Variants in DDHD1 observed in about 807,000 individuals in gnomAD.
DDHD1 encodes the protein DDHD domain containing 1.
In DDHD1, 49 loss-of-function variants were observed where a neutral mutation model predicts 96.4. That is an observed-to-expected ratio of 0.51 (90% CI 0.40 to 0.64). The LOEUF is 0.64. Ranked by LOEUF, DDHD1 falls within the 30% of genes least tolerant of loss-of-function variation. The pLI is 0.00. For synonymous variants in DDHD1, 442 were observed against 446.5 expected, an observed-to-expected ratio of 0.99 and a Z score of 0.13; for missense variants, 1,106 against 1,161.2, an observed-to-expected ratio of 0.95 and a Z score of 0.69.
At position 53,081,509 on chromosome 14, in the gene DDHD1, G is replaced by A. The variant is rs559432082; in HGVS notation, c.1290-7662C>T. On this transcript the variant is annotated intron_variant, in intron 4 of 12. Coordinates refer to ENST00000673822, the MANE Select transcript of DDHD1 (RefSeq NM_001160148.2). ...ACCATAGACAATTTTGTACTTCGAG[G>A]GACACTTGGCAATGTTTGGAGATAT... Among the ~76,000 whole-genome samples the A allele has an allele frequency of 7.2e-5, 11 of 152,206 alleles. 1 individual carries two copies. The South Asian group carries it at 2.3e-3, about 32-fold the overall frequency.
intron 1 of DDHD1, among the ~76,000 whole-genome samples, chr14:53,142,650 G>C (rs1213617920): frequency 6.6e-6 from 1 of 152,214 alleles, no homozygotes; most frequent in Non-Finnish European, 1.5e-5. Context: ...AACAAAAGCA[G>C]ATGCTCAAGA....
At chr14:53,108,625 T>C (rs1049402793) in intron 1 of DDHD1, among the ~76,000 whole-genome samples, 5 of 152,244 alleles carry the variant, frequency 3.3e-5, no homozygotes, top group African/African-American at 4.8e-5. Flanking sequence ...TTAATATTTT[T>C]GGACTCTAGT....
In DDHD1 at chr14:53,039,457, T is replaced by C. The variant is rs1881490569; in HGVS notation, c.*7311A>G. 6.6e-6 allele frequency: 1 copy of C among 152,238 alleles called. No individual in the cohort carries two copies. The highest frequency in any genetic ancestry group is 2.1e-4 in the South Asian group (1 of 4,826). The allele number at this position is 152,238 out of a possible 1,614,324, so 9.4% of individuals were successfully genotyped here. On this transcript the variant is annotated 3_prime_UTR_variant, in exon 13 of 13. Transcript: ENST00000673822. Reference sequence around the variant, plus strand: ...CTGACCTGAGTCATGTACTCATCTCTTGACCATGGTACAGACAGTGCTGAT... The same window carrying C: ...CTGACCTGAGTCATGTACTCATCTCCTGACCATGGTACAGACAGTGCTGAT...
In DDHD1 at chr14:53,043,239, T is replaced by C. The variant is rs189097166; in HGVS notation, c.*3529A>G. 3 of 152,330 alleles carry C rather than the reference T, an allele frequency of 2.0e-5. No individual in the cohort carries two copies. The East Asian group carries it at 5.8e-4, about 29-fold the overall frequency. The allele number at this position is 152,330 out of a possible 1,614,324, so 9.4% of individuals were successfully genotyped here. ...AAAAAAGAGACTAAGGATGAATGTT[T>C]ACATGTCTGAGGCCTTTAGCGTGAG... On this transcript the variant is annotated 3_prime_UTR_variant, in exon 13 of 13. Transcript: ENST00000673822.
At chr14:53,130,636 T>C (rs1188067996) in intron 1 of DDHD1, among the ~76,000 whole-genome samples, 2 of 152,200 alleles carry the variant, frequency 1.3e-5, no homozygotes, top group Admixed American at 1.3e-4. Flanking sequence ...CAGCCAGGCA[T>C]TCCTCCAGGA....
At chr14:53,127,100 GAAGA>G (rs773164265) in intron 1 of DDHD1, among the ~76,000 whole-genome samples, 1 of 152,112 alleles carries the variant, frequency 6.6e-6, no homozygotes, top group Non-Finnish European at 1.5e-5. Flanking sequence ...TAAAAAAGCA[GAAGA>G]AACACTTAAG....
Position 53,055,740 on chromosome 14 carries a change from G to A in DDHD1, c.2165C>T (p.Pro722Leu), listed in dbSNP as rs1595091425. The A allele has an allele frequency of 4.3e-6, 7 of 1,614,084 alleles. No individual in the cohort carries two copies. The highest frequency in any genetic ancestry group is 5.1e-6 in the Non-Finnish European group (6 of 1,179,992). The change falls in exon 10 of 13, where the codon CCA becomes CTA. Residue 722 changes from proline (P) to leucine (L), a missense_variant. Transcript: ENST00000673822. ...VSENEGISTI[P>L]SPVTSPVLSR... ...CAAAACTGGTGAGGTCACAGGGCTTGGTATGGTTGAAATGCCTTCATTCTC... is the reference window on the plus strand; with the variant it reads ...CAAAACTGGTGAGGTCACAGGGCTTAGTATGGTTGAAATGCCTTCATTCTC...
intron 9 of DDHD1, among the ~76,000 whole-genome samples, chr14:53,056,729 T>C (rs1272770176): frequency 2.0e-5 from 3 of 152,220 alleles, no homozygotes; most frequent in African/African-American, 7.2e-5. Context: ...TTGTAAAAAC[T>C]GCCTTGCACC....
chr14:53,076,453 G>C (rs1884967978), intron 4 of DDHD1, among the ~76,000 whole-genome samples: 1 of 152,192 alleles, frequency 6.6e-6, no homozygotes, highest in Admixed American at 6.5e-5. Context: ...GCTTCTTATG[G>C]ATGAACAAAG....
intron 12 of DDHD1, among the ~76,000 whole-genome samples, chr14:53,050,913 A>T (rs1882489209): frequency 1.3e-5 from 2 of 152,210 alleles, no homozygotes; most frequent in Non-Finnish European, 2.9e-5. Flanking sequence ...TTCTCCAACC[A>T]AAAATGCAAA....
At chr14:53,150,825 A>G (rs1330521584) in intron 1 of DDHD1, among the ~76,000 whole-genome samples, 1 of 152,224 alleles carries the variant, frequency 6.6e-6, no homozygotes, top group Non-Finnish European at 1.5e-5. Flanking sequence ...GCACATATAA[A>G]TATTCTGAAT....
At position 53,037,926 on chromosome 14, in the gene DDHD1, C is replaced by A. The variant is rs1015920714; in HGVS notation, c.*8842G>T. ...CATATACGGTGAAAGGTGGGGGGTC[C>A]AGTTTCATTCTTCTGCATAGGGCTA... On this transcript the variant is annotated 3_prime_UTR_variant, in exon 13 of 13. Coordinates refer to ENST00000673822, the MANE Select transcript of DDHD1 (RefSeq NM_001160148.2). 6.6e-6 allele frequency: 1 copy of A among 151,988 alleles called. No individual in the cohort carries two copies. Among genetic ancestry groups the A allele is most frequent in the African/African-American group, 2.4e-5 (1 of 41,386 alleles). The allele number at this position is 151,988 out of a possible 1,614,324, so 9.4% of individuals were successfully genotyped here.
intron 12 of DDHD1, chr14:53,048,908 T>C (rs1392777365): frequency 6.6e-6 from 1 of 152,220 alleles, no homozygotes; most frequent in East Asian, 1.9e-4. Flanking sequence ...TGTGTTAATA[T>C]TGGTGAAGAC....
chr14:53,045,473 C>T lies in DDHD1; in HGVS notation c.*1295G>A, dbSNP rs1487680618. 1 of 152,296 alleles carries T rather than the reference C, an allele frequency of 6.6e-6. No homozygotes were observed. The highest frequency in any genetic ancestry group is 1.5e-5 in the Non-Finnish European group (1 of 68,098). 9.4% of individuals were successfully genotyped at this position (152,296 alleles called of 1,614,324 possible). A position where few individuals can be genotyped will look rare whatever the true frequency, so the allele number is the denominator to read the frequency against. On this transcript the variant is annotated 3_prime_UTR_variant, in exon 13 of 13. Coordinates refer to ENST00000673822, the MANE Select transcript of DDHD1 (RefSeq NM_001160148.2). ...TCCTGGGCTCAAGAGATCCTCCCAT[C>T]TTGGCCTCCCGAAGTGTTGGGATTA...
At chr14:53,120,392 C>T (rs1014680617) in intron 1 of DDHD1, among the ~76,000 whole-genome samples, 26 of 152,258 alleles carry the variant, frequency 1.7e-4, no homozygotes, top group Middle Eastern at 3.4e-3. Flanking sequence ...TTTATAAATT[C>T]AATGATATTC....
At position 53,091,910 on chromosome 14, in the gene DDHD1, A is replaced by G; in HGVS notation, c.1164T>C (p.Leu388=). ...TGGCTTCTTCTACATAACCTCTATG[A>G]AGTCTGGTACCACTACTTGATGCTG... is the stretch of plus-strand genomic sequence containing the variant. ...FSKASSSGTR[L]HRGYVEEATL... The change falls in exon 4 of 13, where the codon CTT becomes CTC. Residue 388 remains leucine, a synonymous_variant. Transcript: ENST00000673822. The G allele has an allele frequency of 6.2e-7, 1 of 1,611,936 alleles. No individual in the cohort carries two copies. The highest frequency in any genetic ancestry group is 1.3e-5 in the African/African-American group (1 of 75,020).
At chr14:53,077,053 A>G (rs1471372686) in intron 4 of DDHD1, among the ~76,000 whole-genome samples, 2 of 152,136 alleles carry the variant, frequency 1.3e-5, no homozygotes, top group African/African-American at 2.4e-5. Flanking sequence ...TTTTTTGTGT[A>G]TGTGTCCTAT....
chr14:53,055,938 G>A, intron 9 of DDHD1, 26 bp from the exon 10 acceptor site: 2 of 1,579,388 alleles, frequency 1.3e-6, no homozygotes, highest in Non-Finnish European at 1.7e-6. Flanking sequence ...AAAATTCAAA[G>A]AAACACAGTG....
intron 1 of DDHD1, among the ~76,000 whole-genome samples, chr14:53,151,296 C>A (rs545205120): frequency 1.3e-5 from 2 of 152,110 alleles, no homozygotes; most frequent in East Asian, 3.9e-4. Flanking sequence ...GGCATTGGGC[C>A]CACGAAAATT....
Sources: allele counts gnomAD v4.1 joint callset (sites outside exome capture counted in the v4.1 genomes callset), GRCh38; gene constraint gnomAD v4.1.1; transcripts MANE v1.5; gene names NCBI Gene and HGNC (gene_info 2026-07-23, HGNC 2026-07-21).